Variants in ZNF814 observed in about 807,000 individuals in gnomAD.
The protein encoded by ZNF814 is zinc finger protein 814.
A neutral mutation model predicts 7.5 loss-of-function variants in ZNF814; 5 were observed. The observed-to-expected ratio is 0.67, with a 90% CI of 0.35 to 1.40. ZNF814 has a LOEUF of 1.40. Ranked by LOEUF, ZNF814 falls within the 40% of genes most tolerant of loss-of-function variation. The probability of loss-of-function intolerance (pLI) is 0.04; values close to 1 mark genes in which losing one functional copy is unlikely to be tolerated. For missense variants in ZNF814, 962 were observed against 1,018.0 expected (o/e 0.94, Z 0.75); for synonymous variants, 315 against 340.7 (o/e 0.92, Z 0.83).
chr19:57,883,592 C>T (rs1455521987), intron 1 of ZNF814, among the ~76,000 whole-genome samples: 11 of 149,278 alleles, frequency 7.4e-5, no homozygotes, highest in East Asian at 2.0e-4. Context: ...ACCTGGGAGG[C>T]GGAGGCTGCA....
chr19:57,904,621 T>C, the ZNF814 span, among the ~76,000 whole-genome samples: 1 of 152,170 alleles, frequency 6.6e-6, no homozygotes, highest in Non-Finnish European at 1.5e-5. Context: ...CTTTTTTCCA[T>C]CTTGTGGTTT....
In ZNF814 at chr19:57,888,922, G is replaced by A. The variant is rs35475352; in HGVS notation, c.-120C>T. On this transcript the variant is annotated 5_prime_UTR_variant, in exon 1 of 3. Coordinates refer to ENST00000435989, the MANE Select transcript of ZNF814 (RefSeq NM_001144989.2). ...CGCTGGGCGCCGTCACAGAGCTCCA[G>A]AGTAGCCTCTGTGCAGCGGAGGACA... 1 of 1,122,800 alleles carries A rather than the reference G, an allele frequency of 8.9e-7. No individual in the cohort carries two copies. The highest frequency in any genetic ancestry group is 1.3e-6 in the Non-Finnish European group (1 of 769,660). The allele number at this position is 1,122,800 out of a possible 1,614,324, so 69.6% of individuals were successfully genotyped here. A position where few individuals can be genotyped will look rare whatever the true frequency, so the allele number is the denominator to read the frequency against.
At chr19:57,893,433 C>G (rs1412204047), upstream of ZNF814, among the ~76,000 whole-genome samples, 1 of 151,754 alleles carries the variant, frequency 6.6e-6, no homozygotes, top group Non-Finnish European at 1.5e-5. Context: ...CTGGGCCCCC[C>G]AAAGTGCTGG....
At chr19:57,892,518 G>T (rs1377941617), upstream of ZNF814, among the ~76,000 whole-genome samples, 1 of 152,190 alleles carries the variant, frequency 6.6e-6, no homozygotes, top group Admixed American at 6.5e-5. Flanking sequence ...GTCCCTCTTG[G>T]CTAGGAATGG....
At chr19:57,885,502 C>A (rs1487983389) in intron 1 of ZNF814, among the ~76,000 whole-genome samples, 2 of 151,148 alleles carry the variant, frequency 1.3e-5, no homozygotes, top group Non-Finnish European at 2.9e-5. Context: ...CAATGGCAGG[C>A]ACATGTAATC....
At chr19:57,891,435 G>A (rs1453011644), upstream of ZNF814, among the ~76,000 whole-genome samples, 3 of 151,594 alleles carry the variant, frequency 2.0e-5, no homozygotes, top group African/African-American at 7.3e-5. Context: ...TGAGGTAGGG[G>A]AACGGCGTGA....
chr19:57,877,195 A>C (rs910701061), intron 1 of ZNF814, among the ~76,000 whole-genome samples, 153 bp from the exon 2 acceptor site: 3 of 152,110 alleles, frequency 2.0e-5, no homozygotes, highest in African/African-American at 7.2e-5. Flanking sequence ...ATAGCCACCA[A>C]CAATAGTTGA....
intron 1 of ZNF814, among the ~76,000 whole-genome samples, chr19:57,878,962 T>C (rs2071631681): frequency 6.6e-6 from 1 of 151,974 alleles, no homozygotes; most frequent in South Asian, 2.1e-4. Context: ...AAATTTAAAA[T>C]ATATAAAAAG....
intron 2 of ZNF814, among the ~76,000 whole-genome samples, chr19:57,875,943 CTTTTTTTTTTTTTTTT>C (rs567660556): frequency 7.0e-5 from 5 of 71,376 alleles, no homozygotes; most frequent in African/African-American, 2.0e-4. Flanking sequence ...CAGGGTGCCG[CTTTTTTTTTTTTTTTT>C]TTTTTTTTTT....
At chr19:57,896,409 G>A in the ZNF814 span, among the ~76,000 whole-genome samples, 2 of 152,036 alleles carry the variant, frequency 1.3e-5, no homozygotes, top group Non-Finnish European at 2.9e-5. The surrounding 1 kb of genome is among the most constrained non-coding windows in gnomAD (Gnocchi z 4.2). Context: ...AACTGAAAAG[G>A]GTATGTTTTA....
chr19:57,874,957 C>G lies in ZNF814; in HGVS notation c.433G>C (p.Glu145Gln). The change falls in exon 3 of 3, where the codon GAG becomes CAG. Residue 145 changes from glutamate (E) to glutamine (Q), a missense_variant. Physicochemically the swap from Glu to Gln is conservative, Grantham distance 29 (BLOSUM62 2). Transcript: ENST00000435989. ...TCAACACTCCCTCTGTAGGGTTTCT[C>G]TCCAATGTGCTCATTCTGGTGCTGA... ...FHQHQNEHIG[E>Q]KPYRGSVEEA... 6.2e-7 allele frequency: 1 copy of G among 1,612,928 alleles called. No individual in the cohort carries two copies.
chr19:57,895,631 T>C, the ZNF814 span, among the ~76,000 whole-genome samples: 2 of 152,110 alleles, frequency 1.3e-5, no homozygotes, highest in African/African-American at 4.8e-5. Flanking sequence ...TAGGAGAGAC[T>C]CTAACTCCCT....
intron 1 of ZNF814, among the ~76,000 whole-genome samples, chr19:57,886,410 TCTCTC>T (rs1263996255): frequency 6.6e-6 from 1 of 152,066 alleles, no homozygotes; most frequent in East Asian, 1.9e-4. Context: ...GCTCATCACT[TCTCTC>T]CACTCTGTTC....
chr19:57,885,629 C>CA (rs36025351), intron 1 of ZNF814, among the ~76,000 whole-genome samples: 5,569 of 121,378 alleles, frequency 0.046, 352 homozygotes, highest in African/African-American at 0.15. Context: ...GACTGTGTCT[C>CA]AAAAAAAAAA....
rs1042456067 is a variant in ZNF814, at chr19:57,871,771, C to G, written c.*1051G>C. The G allele has an allele frequency of 3.5e-5, 5 of 141,112 alleles. No individual in the cohort carries two copies. The highest frequency in any genetic ancestry group is 1.3e-4 in the African/African-American group (5 of 37,410). The allele number at this position is 141,112 out of a possible 1,614,324, so 8.7% of individuals were successfully genotyped here. A position where few individuals can be genotyped will look rare whatever the true frequency, so the allele number is the denominator to read the frequency against. ...CAAAGGAAGAAGTGCTGAAGCTACT[C>G]AACAAATCCTTCTGTGACTCGATCA... On this transcript the variant is annotated 3_prime_UTR_variant, in exon 3 of 3. Transcript: ENST00000435989.
Position 57,872,785 on chromosome 19 carries a change from G to C in ZNF814, c.*37C>G. The C allele has an allele frequency of 6.2e-7, 1 of 1,606,304 alleles. No individual in the cohort carries two copies. Among genetic ancestry groups the C allele is most frequent in the East Asian group, 2.2e-5 (1 of 44,750 alleles). On this transcript the variant is annotated 3_prime_UTR_variant, in exon 3 of 3. Coordinates refer to ENST00000435989, the MANE Select transcript of ZNF814 (RefSeq NM_001144989.2). ...GAACTCTCTGGTGTGCAATGAGGTG[G>C]TCCTTCTTGCTAAAAACTTTCTGAC...
At chr19:57,889,783 G>A (rs1292148489), upstream of ZNF814, among the ~76,000 whole-genome samples, 1 of 151,856 alleles carries the variant, frequency 6.6e-6, no homozygotes, top group Non-Finnish European at 1.5e-5. Flanking sequence ...AGAATCTCTT[G>A]TACATGGGAG....
chr19:57,876,987 A>G lies in ZNF814; in HGVS notation c.92T>C (p.Leu31Pro). The change falls in exon 2 of 3, where the codon CTC (leucine) becomes CCC (proline). Residue 31 changes from leucine to proline, a missense_variant. Physicochemically the swap from Leu to Pro is moderately conservative, Grantham distance 98. Transcript: ENST00000435989. ...AVNFTWEEWN[L>P]LSEAQRCLYR... ...CAGGCATCTCTGAGCCTCACTAAGG[A>G]GATTCCATTCCTCCCAGGTAAAGTT... 2 of 1,614,124 alleles carry G rather than the reference A, an allele frequency of 1.2e-6. No homozygotes were observed. The highest frequency in any genetic ancestry group is 1.7e-6 in the Non-Finnish European group (2 of 1,180,014).
rs752989777 is a variant in ZNF814, at chr19:57,873,965, A to G, written c.1425T>C (p.His475=). The change falls in exon 3 of 3, where the codon CAT becomes CAC. Residue 475 remains histidine (H), a synonymous_variant. Coordinates refer to ENST00000435989, the MANE Select transcript of ZNF814 (RefSeq NM_001144989.2). ...KCGECVKSFS[H]KRSLVHHQRV... ...GCTGATGGTGAACAAGGCTGCGCTT[A>G]TGACTGAAAGATTTCACACATTCTC... The G allele has an allele frequency of 9.3e-6, 15 of 1,613,350 alleles. No individual in the cohort carries two copies. The African/African-American group carries it at 1.7e-4, about 19-fold the overall frequency.
Sources: gnomAD v4.1 joint callset for allele counts (sites outside exome capture counted in the v4.1 genomes callset) on GRCh38, gnomAD v4.1.1 for gene constraint, Gnocchi (gnomAD v3.1) non-coding constraint, MANE v1.5 for transcripts, NCBI Gene and HGNC (gene_info 2026-07-23, HGNC 2026-07-21) for gene names.